The following MMS22L variants were observed in gnomAD, a reference collection of about 807,000 sequenced individuals.
MMS22L encodes MMS22 like, DNA repair protein.
A neutral mutation model predicts 159.1 loss-of-function variants in MMS22L; 74 were observed. The observed-to-expected ratio is 0.47, with a 90% CI of 0.39 to 0.56. MMS22L has a LOEUF of 0.56. Ranked by LOEUF, MMS22L falls within the 20% of genes least tolerant of loss-of-function variation. MMS22L has a pLI of 0.00. For missense variants in MMS22L, 1,351 were observed against 1,422.1 expected (o/e 0.95, Z 0.80); for synonymous variants, 517 against 506.9 (o/e 1.02, Z -0.27).
At chr6:97,156,709 T>C (rs1368017311) in intron 22 of MMS22L, among the ~76,000 whole-genome samples, 1 of 152,228 alleles carries the variant, frequency 6.6e-6, no homozygotes, top group Non-Finnish European at 1.5e-5. Flanking sequence ...CTGTTTTGAT[T>C]ACTGTAGCCT....
intron 14 of MMS22L, among the ~76,000 whole-genome samples, chr6:97,215,153 C>A (rs1240674820): frequency 2.7e-5 from 4 of 149,112 alleles, no homozygotes; most frequent in Non-Finnish European, 3.0e-5. Flanking sequence ...CTGTTCACCA[C>A]CAAAGAGCTC....
chr6:97,205,005 G>A (rs920387097), intron 14 of MMS22L, among the ~76,000 whole-genome samples: 6 of 135,074 alleles, frequency 4.4e-5, no homozygotes, highest in African/African-American at 1.1e-4. Context: ...GTGCAATGGC[G>A]CGATCACAGC....
chr6:97,258,979 T>G (rs1814133190), intron 9 of MMS22L: 2 of 152,200 alleles, frequency 1.3e-5, no homozygotes. Flanking sequence ...AACACGATTC[T>G]AAAGTCAGAA....
At chr6:97,210,337 C>T (rs1808242679) in intron 14 of MMS22L, among the ~76,000 whole-genome samples, 1 of 151,826 alleles carries the variant, frequency 6.6e-6, no homozygotes, top group Non-Finnish European at 1.5e-5. Context: ...CACTTTGAAT[C>T]TTTGTATTAA....
Position 97,254,548 on chromosome 6 carries a change from A to C in MMS22L, c.1119+9T>G. 6.2e-7 allele frequency: 1 copy of C among 1,608,042 alleles called. No individual in the cohort carries two copies. Among genetic ancestry groups the C allele is most frequent in the Non-Finnish European group, 8.5e-7 (1 of 1,177,586 alleles). The stretch of plus-strand genomic sequence containing the variant: ...AATATAAGAAAGTTTTTAAAAAATG[A>C]AGTCTTACCATTTCATCTGGTACTC... On this transcript the variant is annotated intron_variant, in intron 10 of 24. Coordinates refer to ENST00000683635, the MANE Select transcript of MMS22L (RefSeq NM_001350599.2).
chr6:97,259,387 A>G (rs1814196748), intron 9 of MMS22L: 1 of 152,190 alleles, frequency 6.6e-6, no homozygotes, highest in Non-Finnish European at 1.5e-5. Flanking sequence ...TTTAATTGGT[A>G]GGCTGAGTAA....
intron 11 of MMS22L, among the ~76,000 whole-genome samples, chr6:97,241,145 C>T (rs886673157): frequency 6.6e-6 from 1 of 152,166 alleles, no homozygotes; most frequent in Admixed American, 6.5e-5. Flanking sequence ...TTATTTCATT[C>T]CTTTTTAAGG....
At position 97,178,559 on chromosome 6, in the gene MMS22L, T is replaced by C. The variant is rs778280894; in HGVS notation, c.2563A>G (p.Lys855Glu). Reference sequence around the variant, plus strand: ...AGATTAAATAGTAATCTTGTCAGTTTGACCAACTGTTTCATGTACTCTTTT... The same window carrying C: ...AGATTAAATAGTAATCTTGTCAGTTCGACCAACTGTTTCATGTACTCTTTT... ...VEKEYMKQLVKLTRLLFNLSE... is the reference protein window; with the variant it reads ...VEKEYMKQLVELTRLLFNLSE... The change falls in exon 18 of 25, where the codon AAA becomes GAA. Residue 855 changes from lysine to glutamate, a missense_variant. Physicochemically the swap from Lys to Glu is moderately conservative, Grantham distance 56. Coordinates refer to ENST00000683635, the MANE Select transcript of MMS22L (RefSeq NM_001350599.2). 3 of 1,548,228 alleles carry C rather than the reference T, an allele frequency of 1.9e-6. No individual in the cohort carries two copies. In the African/African-American group the frequency reaches 4.1e-5, roughly 21 times the overall value.
intron 15 of MMS22L, 54 bp from the exon 16 acceptor site, chr6:97,182,108 G>T: frequency 1.4e-6 from 2 of 1,469,778 alleles, no homozygotes; most frequent in South Asian, 1.3e-5. Context: ...AACCATTTCT[G>T]ACCCACACAC....
rs745601780 is a variant in MMS22L at position 97,263,339 on chromosome 6, G to A, written c.938C>T (p.Ser313Leu). The change falls in exon 9 of 25, where the codon TCG becomes TTG. Residue 313 changes from serine (S) to leucine (L), a missense_variant. Transcript: ENST00000683635. ...LLDHRSKWFV[S>L]ESFWNWLNKL... ...CACATCAATTTTCCAACTTACTTCC[G>A]AGACAAACCATTTACTTCTGTGGTC... 40 of 1,573,578 alleles carry A rather than the reference G, an allele frequency of 2.5e-5. No individual in the cohort carries two copies. Among genetic ancestry groups the A allele is most frequent in the East Asian group, 9.2e-5 (4 of 43,412 alleles).
chr6:97,263,567 G>C (rs538510036), intron 8 of MMS22L, 119 bp from the exon 9 acceptor site: 1 of 456,668 alleles, frequency 2.2e-6, no homozygotes, highest in Non-Finnish European at 3.8e-6. Context: ...TTCTCAATTA[G>C]ACAAAATTAT....
At chr6:97,281,186 T>G (rs1449893739) in intron 3 of MMS22L, 51 bp downstream of exon 3, 3 of 1,544,108 alleles carry the variant, frequency 1.9e-6, no homozygotes, top group Admixed American at 2.2e-5. Context: ...CAACGTAATT[T>G]ACAAAAGTGA....
At chr6:97,173,005 A>G in intron 19 of MMS22L, 58 bp downstream of exon 19, 1 of 1,504,662 alleles carries the variant, frequency 6.6e-7, no homozygotes, top group Non-Finnish European at 9.0e-7. Context: ...ATCCATCATG[A>G]TAGTATAGGC....
chr6:97,229,061 A>C lies in MMS22L; in HGVS notation c.1872T>G (p.Leu624=), dbSNP rs1810563749. 1.9e-6 allele frequency: 3 copies of C among 1,614,040 alleles called. No homozygotes were observed. Among genetic ancestry groups the C allele is most frequent in the African/African-American group, 2.7e-5 (2 of 74,928 alleles). The change falls in exon 14 of 25, where the codon CTT becomes CTG. Residue 624 remains leucine, a synonymous_variant. Transcript: ENST00000683635. Reference sequence around the variant, plus strand: ...CTTGAACACCATCAATGTATATGGAAAGAAGGGTCCAGATAGTCTGTCTCT... The same window carrying C: ...CTTGAACACCATCAATGTATATGGACAGAAGGGTCCAGATAGTCTGTCTCT... ...MVQRQTIWTL[L]SIYIDGVQEV... is the part of the protein sequence containing the mutation.
chr6:97,170,858 T>C (rs545453594), intron 19 of MMS22L, among the ~76,000 whole-genome samples: 1 of 152,118 alleles, frequency 6.6e-6, no homozygotes, highest in Admixed American at 6.5e-5. Flanking sequence ...AATACAAAAA[T>C]TAACCAGGCA....
Position 97,249,725 on chromosome 6 carries a change from A to ATTTT in MMS22L, c.1120-3039_1120-3036dup, listed in dbSNP as rs66525517. 4.8e-4 allele frequency among the ~76,000 whole-genome samples: 62 copies of ATTTT among 130,382 alleles called. 2 individuals are homozygous for ATTTT. Among genetic ancestry groups the ATTTT allele is most frequent in the African/African-American group, 1.5e-3 (53 of 34,594 alleles). The allele number at this position is 130,382 out of a possible 152,430, so 85.5% of individuals were successfully genotyped here. On this transcript the variant is annotated intron_variant, in intron 10 of 24. Transcript: ENST00000683635. ...CTATTATAACACGTACCAATAACCAATTTTTTTTTTTTTTTTTTTTTACCT... is the reference window on the plus strand; with the variant it reads ...CTATTATAACACGTACCAATAACCAATTTTTTTTTTTTTTTTTTTTTTTTTACCT...
chr6:97,270,967 A>T (rs1299324835), intron 6 of MMS22L: 3 of 152,142 alleles, frequency 2.0e-5, no homozygotes, highest in Admixed American at 6.5e-5. Flanking sequence ...ATAACTATCT[A>T]AAAAATTCAA....
chr6:97,262,479 T>C (rs2128074562), intron 9 of MMS22L, among the ~76,000 whole-genome samples: 1 of 151,986 alleles, frequency 6.6e-6, no homozygotes, highest in African/African-American at 2.4e-5. Flanking sequence ...ACCCCATCTC[T>C]ACCAAAAATA....
intron 14 of MMS22L, among the ~76,000 whole-genome samples, chr6:97,194,298 C>T (rs947787280): frequency 4.3e-5 from 6 of 138,704 alleles, no homozygotes; most frequent in South Asian, 2.6e-4. Context: ...CCTTGAGATC[C>T]GCTCACCTTG....
Sources: gnomAD v4.1 joint callset for allele counts (sites outside exome capture counted in the v4.1 genomes callset) on GRCh38, gnomAD v4.1.1 for gene constraint, MANE v1.5 for transcripts, NCBI Gene and HGNC (gene_info 2026-07-23, HGNC 2026-07-21) for gene names.